KCNJ12: variants seen among roughly 807,000 people sequenced by gnomAD.
KCNJ12 encodes ATP-sensitive inward rectifier potassium channel 12.
In KCNJ12, 2 loss-of-function variants were observed where a neutral mutation model predicts 22.3. The observed-to-expected ratio is 0.09, with a 90% CI of 0.04 to 0.28. KCNJ12 has a LOEUF of 0.28. KCNJ12 is among the 10% of genes least tolerant of loss of function. KCNJ12 has a pLI of 1.00. For synonymous variants in KCNJ12, 117 were observed against 261.4 expected (o/e 0.45, Z 5.33); for missense variants, 155 against 633.3 (o/e 0.24, Z 8.11).
chr17:21,388,844 T>G (rs1461955908), intron 1 of KCNJ12, among the ~76,000 whole-genome samples: 1 of 152,102 alleles, frequency 6.6e-6, no homozygotes, highest in Non-Finnish European at 1.5e-5. Flanking sequence ...GCCTCGGTTC[T>G]CTAAAGAAGG....
At chr17:21,380,070 A>AT (rs1904814221) in intron 1 of KCNJ12, among the ~76,000 whole-genome samples, 1 of 151,808 alleles carries the variant, frequency 6.6e-6, no homozygotes, top group Non-Finnish European at 1.5e-5. Flanking sequence ...CCACAGACAC[A>AT]CCCCTCAGGG....
chr17:21,378,259 G>A (rs1904738442), intron 1 of KCNJ12, among the ~76,000 whole-genome samples: 1 of 152,258 alleles, frequency 6.6e-6, no homozygotes, highest in African/African-American at 2.4e-5. Context: ...CCCTGTGGCG[G>A]GCGAGGGTCA....
At chr17:21,395,880 G>A (rs1273025460) in intron 1 of KCNJ12, among the ~76,000 whole-genome samples, 2 of 152,218 alleles carry the variant, frequency 1.3e-5, no homozygotes, top group Admixed American at 6.5e-5. Context: ...CAGAGGAGTG[G>A]CTGGAGCCCC....
At chr17:21,411,044 T>TGG (rs1906311405) in intron 2 of KCNJ12, among the ~76,000 whole-genome samples, 1 of 152,306 alleles carries the variant, frequency 6.6e-6, no homozygotes, top group Non-Finnish European at 1.5e-5. Context: ...CCCTATGTCT[T>TGG]ACCCTGGGTG....
At chr17:21,389,567 C>T (rs1555559088) in intron 1 of KCNJ12, among the ~76,000 whole-genome samples, 1 of 152,164 alleles carries the variant, frequency 6.6e-6, no homozygotes, top group Non-Finnish European at 1.5e-5. Context: ...CTCACTCATT[C>T]ACTTAACTTT....
chr17:21,411,337 C>A (rs1574162), intron 2 of KCNJ12, among the ~76,000 whole-genome samples: 124 of 152,236 alleles, frequency 8.1e-4, no homozygotes, highest in East Asian at 1.3e-3. Flanking sequence ...TGGGAGGCTG[C>A]GTCTGTAGGC....
At chr17:21,389,978 G>A (rs568443219) in intron 1 of KCNJ12, among the ~76,000 whole-genome samples, 1 of 152,218 alleles carries the variant, frequency 6.6e-6, no homozygotes, top group African/African-American at 2.4e-5. Flanking sequence ...CTGGGGTGCT[G>A]GTCCCAGACC....
intron 1 of KCNJ12, among the ~76,000 whole-genome samples, chr17:21,404,966 C>G (rs1555560895): frequency 6.6e-6 from 1 of 152,300 alleles, no homozygotes; most frequent in Non-Finnish European, 1.5e-5. Flanking sequence ...CAGCCCCCAT[C>G]TTTACGCCAC....
At chr17:21,406,850 T>A (rs1597574831) in intron 1 of KCNJ12, among the ~76,000 whole-genome samples, 1 of 152,296 alleles carries the variant, frequency 6.6e-6, no homozygotes, top group African/African-American at 2.4e-5. Context: ...GGCTGGGAGG[T>A]GCGGAGGTGA....
chr17:21,408,251 T>C (rs1906100799), intron 1 of KCNJ12, among the ~76,000 whole-genome samples: 1 of 152,288 alleles, frequency 6.6e-6, no homozygotes, highest in South Asian at 2.1e-4. Context: ...CCTACTATAG[T>C]GTCTGGCATG....
chr17:21,409,429 A>G (rs1906190728), intron 2 of KCNJ12, among the ~76,000 whole-genome samples: 1 of 152,310 alleles, frequency 6.6e-6, no homozygotes, highest in Non-Finnish European at 1.5e-5. Flanking sequence ...TTCCAGCGCA[A>G]GTAGTTTCCT....
chr17:21,395,555 C>T (rs1483006858), intron 1 of KCNJ12, among the ~76,000 whole-genome samples: 2 of 103,156 alleles, frequency 1.9e-5, no homozygotes, highest in Non-Finnish European at 3.5e-5. Context: ...CACTCCAGAG[C>T]GAGACTTCTT....
intron 1 of KCNJ12, among the ~76,000 whole-genome samples, chr17:21,381,336 C>A (rs1264347466): frequency 6.6e-6 from 1 of 152,170 alleles, no homozygotes; most frequent in Admixed American, 6.5e-5. Context: ...CAGAGCCACT[C>A]TGGGCCATTG....
chr17:21,383,494 G>T (rs1567696221), intron 1 of KCNJ12, among the ~76,000 whole-genome samples: 1 of 152,226 alleles, frequency 6.6e-6, no homozygotes, highest in South Asian at 2.1e-4. Context: ...GAGACCTGGG[G>T]CTTCCAGGGG....
At chr17:21,408,120 G>T (rs1283999285) in intron 1 of KCNJ12, among the ~76,000 whole-genome samples, 14 of 152,304 alleles carry the variant, frequency 9.2e-5, no homozygotes, top group African/African-American at 3.4e-4. Context: ...CAGGCTGAGG[G>T]CCTGAATTCC....
chr17:21,382,591 A>T (rs1904907169), intron 1 of KCNJ12, among the ~76,000 whole-genome samples: 1 of 152,106 alleles, frequency 6.6e-6, no homozygotes, highest in East Asian at 1.9e-4. Flanking sequence ...AGCAGTGATC[A>T]CCTCTGCAAC....
At chr17:21,378,118 G>A (rs1904731096) in intron 1 of KCNJ12, among the ~76,000 whole-genome samples, 1 of 152,218 alleles carries the variant, frequency 6.6e-6, no homozygotes, top group Non-Finnish European at 1.5e-5. Flanking sequence ...GTTAGCCTTG[G>A]GCCTAGCCTT....
chr17:21,391,293 T>C (rs78877164), intron 1 of KCNJ12, among the ~76,000 whole-genome samples: 1 of 152,186 alleles, frequency 6.6e-6, no homozygotes, highest in South Asian at 2.1e-4. Context: ...GATCTCTCCA[T>C]GTACCTAGAG....
At chr17:21,411,676 G>A (rs1366777823) in intron 2 of KCNJ12, among the ~76,000 whole-genome samples, 2 of 152,308 alleles carry the variant, frequency 1.3e-5, no homozygotes, top group Admixed American at 6.5e-5. Flanking sequence ...TGGGGAGCCA[G>A]CCTTCTTGCT....
Sources: allele counts gnomAD v4.1 joint callset (sites outside exome capture counted in the v4.1 genomes callset), GRCh38; gene constraint gnomAD v4.1.1; transcripts MANE v1.5; gene names NCBI Gene and HGNC (gene_info 2026-07-23, HGNC 2026-07-21).